The following CCDC50 variants were observed in gnomAD, a reference collection of about 807,000 sequenced individuals.
The protein encoded by CCDC50 is coiled-coil domain-containing protein 50.
In CCDC50, 54 loss-of-function variants were observed where a neutral mutation model predicts 70.2. That is an observed-to-expected ratio of 0.77 (90% CI 0.62 to 0.96). CCDC50 has a LOEUF of 0.96. Ranked by LOEUF, CCDC50 falls within the 50% of genes least tolerant of loss-of-function variation. CCDC50 has a pLI of 0.00. For missense variants in CCDC50, 558 were observed against 578.7 expected (o/e 0.96, Z 0.37); for synonymous variants, 216 against 198.8 (o/e 1.09, Z -0.73).
intron 5 of CCDC50, among the ~76,000 whole-genome samples, chr3:191,373,891 C>G (rs909594004): frequency 6.6e-6 from 1 of 152,096 alleles, no homozygotes; most frequent in Non-Finnish European, 1.5e-5. Flanking sequence ...TTAGCACATA[C>G]CTCTTTCTTG....
Position 191,375,425 on chromosome 3 carries a change from A to G in CCDC50, c.812A>G (p.His271Arg). 4 of 1,613,842 alleles carry G rather than the reference A, an allele frequency of 2.5e-6. No individual in the cohort carries two copies. The highest frequency in any genetic ancestry group is 3.4e-6 in the Non-Finnish European group (4 of 1,179,872). Residue 271 changes from histidine to arginine, a missense_variant, in exon 6 of 12, where the codon CAC becomes CGC. Transcript: ENST00000392455. ...QTRNWEKQSR[H>R]QDRLSPKSSQ... The stretch of plus-strand genomic sequence containing the variant: ...CGAAATTGGGAAAAACAGTCTCGAC[A>G]CCAAGATCGACTTTCACCCAAGTCC...
rs115895138 is a variant in CCDC50 at position 191,388,455 on chromosome 3, A to C, written c.1323-1041A>C. Among the ~76,000 whole-genome samples, 939 of 152,322 alleles carry C rather than the reference A, an allele frequency of 6.2e-3. 12 individuals are homozygous for C. Among genetic ancestry groups the C allele is most frequent in the African/African-American group, 0.021 (876 of 41,564 alleles). On this transcript the variant is annotated intron_variant, in intron 10 of 11. Transcript: ENST00000392455. ...AAATATGTATATGATAGTTAGCATT[A>C]GCATACAGACTTGTCCTGAAAGTTA...
At chr3:191,378,252 C>A (rs1713185803) in intron 6 of CCDC50, among the ~76,000 whole-genome samples, 1 of 152,118 alleles carries the variant, frequency 6.6e-6, no homozygotes, top group Admixed American at 6.6e-5. Context: ...AGTCATCATT[C>A]TCTTTTTAAC....
At chr3:191,362,934 C>T (rs9825936) in intron 4 of CCDC50, among the ~76,000 whole-genome samples, 27,402 of 152,078 alleles carry the variant, frequency 0.18, 3,036 homozygotes, top group Non-Finnish European at 0.24. Context: ...TGTGTTGCCT[C>T]TTTATAGTGA....
intron 3 of CCDC50, among the ~76,000 whole-genome samples, chr3:191,359,930 G>A (rs1712424605): frequency 6.6e-6 from 1 of 152,182 alleles, no homozygotes; most frequent in Non-Finnish European, 1.5e-5. Flanking sequence ...TAAATCAGGA[G>A]TAGAGAGTGA....
At chr3:191,338,398 G>A (rs1317911087) in intron 1 of CCDC50, among the ~76,000 whole-genome samples, 1 of 152,158 alleles carries the variant, frequency 6.6e-6, no homozygotes, top group Non-Finnish European at 1.5e-5. Context: ...GAGAAAGATA[G>A]GGGCTCACTT....
intron 1 of CCDC50, among the ~76,000 whole-genome samples, chr3:191,347,518 A>G (rs1711967799): frequency 7.0e-6 from 1 of 142,040 alleles, no homozygotes; most frequent in Non-Finnish European, 1.6e-5. Flanking sequence ...ATTTTTCTTG[A>G]TTCTGAGCTC....
At chr3:191,361,473 A>C (rs1231445256) in intron 4 of CCDC50, among the ~76,000 whole-genome samples, 2 of 152,264 alleles carry the variant, frequency 1.3e-5, no homozygotes, top group Non-Finnish European at 2.9e-5. Context: ...CTAGAAGTCT[A>C]AAATCTGAAG....
In CCDC50 at chr3:191,394,764, A is replaced by T. The variant is rs902632735; in HGVS notation, c.*3004A>T. On this transcript the variant is annotated 3_prime_UTR_variant, in exon 12 of 12. Coordinates refer to ENST00000392455, the MANE Select transcript of CCDC50 (RefSeq NM_178335.3). ...TAAAGTTAGATAAGAGTCAAATTAA[A>T]TGTTTTGACTTGAAAAATATTTGAC... 1 of 152,172 alleles carries T rather than the reference A, an allele frequency of 6.6e-6. No homozygotes were observed. The highest frequency in any genetic ancestry group is 6.5e-5 in the Admixed American group (1 of 15,272). The allele number at this position is 152,172 out of a possible 1,614,324, so 9.4% of individuals were successfully genotyped here. A position where few individuals can be genotyped will look rare whatever the true frequency, so the allele number is the denominator to read the frequency against.
intron 10 of CCDC50, among the ~76,000 whole-genome samples, chr3:191,383,807 C>T (rs1396482355): frequency 2.0e-5 from 3 of 152,130 alleles, no homozygotes; most frequent in Admixed American, 2.0e-4. Flanking sequence ...TATATAAAAT[C>T]TTTCTGTTGT....
chr3:191,389,128 C>A (rs553231486), intron 10 of CCDC50, among the ~76,000 whole-genome samples: 1 of 149,114 alleles, frequency 6.7e-6, no homozygotes, highest in East Asian at 1.9e-4. Context: ...TTATTATTTT[C>A]TTCTTTTCTG....
chr3:191,339,437 A>C (rs1379314711), intron 1 of CCDC50, among the ~76,000 whole-genome samples: 1 of 152,170 alleles, frequency 6.6e-6, no homozygotes, highest in Non-Finnish European at 1.5e-5. Flanking sequence ...GCAGAAAAGG[A>C]TTTGGACAGA....
chr3:191,362,739 C>T (rs1712539061), intron 4 of CCDC50, among the ~76,000 whole-genome samples: 1 of 152,166 alleles, frequency 6.6e-6, no homozygotes, highest in Admixed American at 6.5e-5. Flanking sequence ...TCCTACTGAG[C>T]CACTCTTGTT....
chr3:191,336,160 G>A (rs951425724), intron 1 of CCDC50, among the ~76,000 whole-genome samples: 3 of 150,098 alleles, frequency 2.0e-5, no homozygotes, highest in African/African-American at 7.4e-5. Flanking sequence ...GTATGTGTGT[G>A]TATTTGAACA....
chr3:191,395,047 A>G lies in CCDC50; in HGVS notation c.*3287A>G, dbSNP rs1713818522. The stretch of plus-strand genomic sequence containing the variant: ...AATAGCTAAATTAGAAAAGAAAGAT[A>G]TGGATAGATGCTTTTAGGAGGAAAA... On this transcript the variant is annotated 3_prime_UTR_variant, in exon 12 of 12. Coordinates refer to ENST00000392455, the MANE Select transcript of CCDC50 (RefSeq NM_178335.3). 2 of 152,194 alleles carry G rather than the reference A, an allele frequency of 1.3e-5. No homozygotes were observed. The highest frequency in any genetic ancestry group is 3.8e-4 in the East Asian group (2 of 5,198). 9.4% of individuals were successfully genotyped at this position (152,194 alleles called of 1,614,324 possible). A position where few individuals can be genotyped will look rare whatever the true frequency, so the allele number is the denominator to read the frequency against.
chr3:191,385,783 G>C (rs1297281808), intron 10 of CCDC50, among the ~76,000 whole-genome samples: 2 of 151,948 alleles, frequency 1.3e-5, no homozygotes, highest in South Asian at 2.1e-4. Context: ...TATAGTTTAA[G>C]GTCTTGAATT....
chr3:191,358,270 T>A (rs1712363117), intron 3 of CCDC50, 146 bp downstream of exon 3: 1 of 1,075,482 alleles, frequency 9.3e-7, no homozygotes, highest in Non-Finnish European at 1.3e-6. Flanking sequence ...TGTCTAACAG[T>A]TTTTTTGATT....
chr3:191,346,629 A>G (rs907390667), intron 1 of CCDC50, among the ~76,000 whole-genome samples: 5 of 152,206 alleles, frequency 3.3e-5, no homozygotes, highest in African/African-American at 1.2e-4. Flanking sequence ...CAAAACACCT[A>G]CATACACTCT....
chr3:191,360,973 C>A (rs998673314), intron 3 of CCDC50, 96 bp from the exon 4 acceptor site: 2 of 824,514 alleles, frequency 2.4e-6, no homozygotes, highest in African/African-American at 3.4e-5. Context: ...TAATGTACTT[C>A]TCATATAGTG....
Sources: allele counts gnomAD v4.1 joint callset (sites outside exome capture counted in the v4.1 genomes callset), GRCh38; gene constraint gnomAD v4.1.1; transcripts MANE v1.5; gene names NCBI Gene and HGNC (gene_info 2026-07-23, HGNC 2026-07-21).